The following USP37 variants were observed in gnomAD, a reference collection of about 807,000 sequenced individuals.
The protein encoded by USP37 is ubiquitin specific peptidase 37.
In USP37, 27 loss-of-function variants were observed where a neutral mutation model predicts 124.0. The observed-to-expected ratio is 0.22, with a 90% confidence interval of 0.16 to 0.30. The LOEUF (loss-of-function observed/expected upper bound fraction) is 0.30, where lower values mean the gene tolerates loss of function less well. USP37 is among the 10% of genes least tolerant of loss of function. The probability of loss-of-function intolerance (pLI) is 1.00; values close to 1 mark genes in which losing one functional copy is unlikely to be tolerated. For synonymous variants in USP37, 365 were observed against 388.0 expected, an observed-to-expected ratio of 0.94 and a Z score of 0.70; for missense variants, 889 against 1,140.4, an observed-to-expected ratio of 0.78 and a Z score of 3.17.
At chr2:218,499,220 G>C (rs1432848896) in intron 11 of USP37, among the ~76,000 whole-genome samples, 1 of 152,106 alleles carries the variant, frequency 6.6e-6, no homozygotes, top group East Asian at 1.9e-4. Context: ...CTTGCAGTAA[G>C]CTGAGATCAC....
intron 8 of USP37, among the ~76,000 whole-genome samples, chr2:218,539,812 C>T (rs1691876420): frequency 2.0e-5 from 3 of 151,870 alleles, no homozygotes; most frequent in Admixed American, 2.0e-4. Context: ...GAGTTCGAGA[C>T]CAGCCTGGCT....
intron 17 of USP37, among the ~76,000 whole-genome samples, chr2:218,480,528 C>T (rs1381563735): frequency 4.0e-5 from 6 of 150,780 alleles, no homozygotes; most frequent in Non-Finnish European, 8.8e-5. Flanking sequence ...AAGTGTAATA[C>T]ATATGAAAAA....
chr2:218,486,650 T>C (rs1691580173), intron 15 of USP37, among the ~76,000 whole-genome samples: 1 of 140,022 alleles, frequency 7.1e-6, no homozygotes, highest in South Asian at 2.5e-4. Context: ...ATTGAACTCC[T>C]GACTTCAGGT....
chr2:218,467,039 CCA>C (rs1690366245), intron 20 of USP37, among the ~76,000 whole-genome samples: 1 of 152,110 alleles, frequency 6.6e-6, no homozygotes, highest in Admixed American at 6.6e-5. Context: ...CCGATTTTCC[CCA>C]TTTATTACAC....
chr2:218,559,087 G>A (rs534909138), intron 3 of USP37, among the ~76,000 whole-genome samples: 2 of 151,924 alleles, frequency 1.3e-5, no homozygotes, highest in South Asian at 4.2e-4. Context: ...TGGGAGGACT[G>A]CTTAAGCCTG....
At chr2:218,554,580 C>T (rs1417537245) in intron 4 of USP37, among the ~76,000 whole-genome samples, 1 of 152,012 alleles carries the variant, frequency 6.6e-6, no homozygotes, top group Non-Finnish European at 1.5e-5. Flanking sequence ...AATCCCATCT[C>T]TACTAAAAAG....
At chr2:218,522,579 A>C (rs1372258328) in intron 10 of USP37, among the ~76,000 whole-genome samples, 2 of 138,994 alleles carry the variant, frequency 1.4e-5, no homozygotes, top group African/African-American at 5.4e-5. Flanking sequence ...AAAAAAAAAA[A>C]GTTTAGATTC....
At chr2:218,547,790 G>C (rs1457180948) in intron 6 of USP37, among the ~76,000 whole-genome samples, 1 of 152,114 alleles carries the variant, frequency 6.6e-6, no homozygotes, top group Non-Finnish European at 1.5e-5. Flanking sequence ...ACATATGATA[G>C]GGAAAAGGAA....
intron 22 of USP37, among the ~76,000 whole-genome samples, chr2:218,460,538 G>T (rs1175278553): frequency 6.6e-6 from 1 of 152,090 alleles, no homozygotes; most frequent in African/African-American, 2.4e-5. Context: ...AATTCTATAT[G>T]ATATAAGCTA....
rs749854807 is a variant in USP37, at chr2:218,476,994, GAAAA to G, written c.1902-17_1902-14del. On this transcript the variant is annotated splice_polypyrimidine_tract_variant and intron_variant, in intron 18 of 25. Coordinates refer to ENST00000258399, the MANE Select transcript of USP37 (RefSeq NM_020935.3). ...GAAGGTGAATTTCCTGTAATTTAAG[GAAAA>G]AAAAAAAAGCCTGATAAACATTTGT... The G allele has an allele frequency of 1.8e-6, 2 of 1,136,388 alleles. No homozygotes were observed. The highest frequency in any genetic ancestry group is 1.9e-5 in the South Asian group (1 of 52,878). The allele number at this position is 1,136,388 out of a possible 1,614,324, so 70.4% of individuals were successfully genotyped here.
intron 3 of USP37, among the ~76,000 whole-genome samples, chr2:218,559,899 G>A (rs1693221673): frequency 6.6e-6 from 1 of 152,068 alleles, no homozygotes; most frequent in African/African-American, 2.4e-5. Flanking sequence ...AGGATCACCT[G>A]AGCCAGGGAG....
chr2:218,558,955 C>A (rs1458166302), intron 3 of USP37, among the ~76,000 whole-genome samples: 4 of 150,988 alleles, frequency 2.6e-5, no homozygotes, highest in Non-Finnish European at 5.9e-5. Flanking sequence ...GTTGATTATT[C>A]TCTTCCTTCA....
intron 8 of USP37, 128 bp downstream of exon 8, chr2:218,546,093 T>A: frequency 2.6e-6 from 2 of 763,930 alleles, no homozygotes; most frequent in South Asian, 3.7e-5. Context: ...CAAACTACTT[T>A]ACATTCTGCT....
At chr2:218,541,555 T>C (rs1467943196) in intron 8 of USP37, among the ~76,000 whole-genome samples, 1 of 151,952 alleles carries the variant, frequency 6.6e-6, no homozygotes, top group Admixed American at 6.6e-5. Flanking sequence ...GGTAATGCCA[T>C]TCAGTCAAAC....
At chr2:218,505,306 A>G (rs1689618551) in intron 11 of USP37, among the ~76,000 whole-genome samples, 2 of 152,240 alleles carry the variant, frequency 1.3e-5, no homozygotes, top group Non-Finnish European at 2.9e-5. Context: ...GGTGTTAGCC[A>G]TCATGCCCAG....
rs2106400229 is a variant in USP37 at position 218,451,610 on chromosome 2, G to A, written c.*3320C>T. On this transcript the variant is annotated 3_prime_UTR_variant, in exon 26 of 26. Transcript: ENST00000258399. ...TGTATGTGTGTATAGTTACATAATGGTAACTACACACGATACAGAAGAATC... is the reference window on the plus strand; with the variant it reads ...TGTATGTGTGTATAGTTACATAATGATAACTACACACGATACAGAAGAATC... 1 of 151,732 alleles carries A rather than the reference G, an allele frequency of 6.6e-6. No homozygotes were observed. The highest frequency in any genetic ancestry group is 2.1e-4 in the South Asian group (1 of 4,804). 9.4% of individuals were successfully genotyped at this position (151,732 alleles called of 1,614,324 possible). A position where few individuals can be genotyped will look rare whatever the true frequency, so the allele number is the denominator to read the frequency against.
chr2:218,540,258 C>T (rs1319373105), intron 8 of USP37, among the ~76,000 whole-genome samples: 2 of 152,076 alleles, frequency 1.3e-5, no homozygotes, highest in Non-Finnish European at 1.5e-5. Context: ...AGCCACTAAA[C>T]GAAGGAATGA....
chr2:218,502,806 GA>G (rs1311503416), intron 11 of USP37, among the ~76,000 whole-genome samples: 1 of 152,074 alleles, frequency 6.6e-6, no homozygotes, highest in African/African-American at 2.4e-5. Flanking sequence ...GAAACCCAAG[GA>G]AAGAAAGCAT....
intron 14 of USP37, among the ~76,000 whole-genome samples, chr2:218,493,251 C>A (rs1688890303): frequency 6.6e-6 from 1 of 152,140 alleles, no homozygotes. Flanking sequence ...TGTTAGAGAA[C>A]TGTCCTAAAT....
Sources: allele counts gnomAD v4.1 joint callset (sites outside exome capture counted in the v4.1 genomes callset), GRCh38; gene constraint gnomAD v4.1.1; transcripts MANE v1.5; gene names NCBI Gene and HGNC (gene_info 2026-07-23, HGNC 2026-07-21).